Variants in CADM2 observed in about 807,000 individuals in gnomAD.
The protein encoded by CADM2 is immunoglobulin superfamily member 4D.
CADM2 carries 12 observed loss-of-function variants against 49.8 expected under a neutral mutation model. That is an observed-to-expected ratio of 0.24 (90% CI 0.15 to 0.39). The LOEUF (loss-of-function observed/expected upper bound fraction) is 0.39, where lower values mean the gene tolerates loss of function less well. Among genes scored for constraint, CADM2 ranks in the 10% least tolerant of loss-of-function variants. CADM2 has a pLI of 1.00. For synonymous variants in CADM2, 214 were observed against 175.4 expected, an observed-to-expected ratio of 1.22 and a Z score of -1.74; for missense variants, 378 against 492.3, an observed-to-expected ratio of 0.77 and a Z score of 2.20.
chr3:85,117,011 A>G (rs1373592078), intron 1 of CADM2, among the ~76,000 whole-genome samples: 1 of 152,108 alleles, frequency 6.6e-6, no homozygotes, highest in Non-Finnish European at 1.5e-5. Context: ...CCTGGCCAAC[A>G]TGATGAAACC....
intron 1 of CADM2, among the ~76,000 whole-genome samples, chr3:85,217,258 A>G (rs1319091772): frequency 6.6e-6 from 1 of 151,792 alleles, no homozygotes; most frequent in East Asian, 1.9e-4. Flanking sequence ...ATAAGCATTT[A>G]CTGATGTTTG....
chr3:85,772,677 GA>G, intron 2 of CADM2, among the ~76,000 whole-genome samples: 1 of 152,124 alleles, frequency 6.6e-6, no homozygotes, highest in African/African-American at 2.4e-5. Context: ...GATTAACCAA[GA>G]AGTTCAGTTT....
At chr3:85,030,067 C>G (rs1411957261) in intron 1 of CADM2, among the ~76,000 whole-genome samples, 1 of 152,242 alleles carries the variant, frequency 6.6e-6, no homozygotes, top group Middle Eastern at 3.4e-3. Flanking sequence ...ACTTCAGCAA[C>G]CCACTCCTCT....
intron 6 of CADM2, among the ~76,000 whole-genome samples, chr3:85,916,199 T>G (rs1205767165): frequency 6.6e-6 from 1 of 152,106 alleles, no homozygotes; most frequent in East Asian, 1.9e-4. Context: ...ACTTTAAGTT[T>G]TAGGGTACAT....
chr3:85,669,192 T>A (rs1361164055), intron 1 of CADM2, among the ~76,000 whole-genome samples: 1 of 148,126 alleles, frequency 6.8e-6, no homozygotes, highest in East Asian at 2.0e-4. Context: ...CCATAATTGG[T>A]AAGATAAAAA....
At chr3:85,454,826 T>G (rs1270541202) in intron 1 of CADM2, among the ~76,000 whole-genome samples, 1 of 140,342 alleles carries the variant, frequency 7.1e-6, no homozygotes, top group Non-Finnish European at 1.6e-5. Flanking sequence ...TATTAATCAG[T>G]AAGCAAACAT....
At chr3:85,188,556 C>T (rs1428339236) in intron 1 of CADM2, among the ~76,000 whole-genome samples, 1 of 151,872 alleles carries the variant, frequency 6.6e-6, no homozygotes, top group Non-Finnish European at 1.5e-5. Flanking sequence ...TTTCATATTT[C>T]ATAATATATA....
chr3:85,599,576 G>C (rs1479247642), intron 1 of CADM2, among the ~76,000 whole-genome samples: 1 of 151,756 alleles, frequency 6.6e-6, no homozygotes, highest in African/African-American at 2.4e-5. Flanking sequence ...AACAATAAAA[G>C]TGTACTGCCT....
chr3:85,588,935 A>C (rs1025018349), intron 1 of CADM2, among the ~76,000 whole-genome samples: 1 of 152,030 alleles, frequency 6.6e-6, no homozygotes, highest in Admixed American at 6.6e-5. Flanking sequence ...TGCATTAAAT[A>C]TTTCACTGGT....
At chr3:85,125,298 A>C (rs1186955968) in intron 1 of CADM2, among the ~76,000 whole-genome samples, 2 of 152,210 alleles carry the variant, frequency 1.3e-5, no homozygotes, top group Non-Finnish European at 2.9e-5. Flanking sequence ...TTTAGAAAAA[A>C]TTCATGTAAG....
At chr3:85,948,164 T>C (rs1722968269) in intron 7 of CADM2, among the ~76,000 whole-genome samples, 1 of 151,544 alleles carries the variant, frequency 6.6e-6, no homozygotes, top group Non-Finnish European at 1.5e-5. Context: ...ATTGCATATG[T>C]GTTTATATAG....
chr3:85,883,287 C>T lies in CADM2; in HGVS notation c.239-4C>T. 6.2e-7 allele frequency: 1 copy of T among 1,600,790 alleles called. No homozygotes were observed. Among genetic ancestry groups the T allele is most frequent in the South Asian group, 1.1e-5 (1 of 89,098 alleles). Reference sequence around the variant, plus strand: ...TTTACATTTTCAATATTTTCTCTTTCCAGCTTTAAGGGACAATAGGATCGA... The same window carrying T: ...TTTACATTTTCAATATTTTCTCTTTTCAGCTTTAAGGGACAATAGGATCGA... On this transcript the variant is annotated splice_polypyrimidine_tract_variant and splice_region_variant and intron_variant, in intron 3 of 9. Coordinates refer to ENST00000383699, the MANE Select transcript of CADM2 (RefSeq NM_001167675.2).
At chr3:85,500,845 C>T (rs1460653074) in intron 1 of CADM2, among the ~76,000 whole-genome samples, 1 of 151,968 alleles carries the variant, frequency 6.6e-6, no homozygotes, top group Non-Finnish European at 1.5e-5. Flanking sequence ...GTGAACACTT[C>T]CTATTGTTGA....
At chr3:85,106,796 C>T (rs2038244115) in intron 1 of CADM2, among the ~76,000 whole-genome samples, 1 of 151,980 alleles carries the variant, frequency 6.6e-6, no homozygotes, top group African/African-American at 2.4e-5. Context: ...CAAAAATGTT[C>T]AGAAGAGAGA....
At chr3:85,165,282 A>G (rs1305190428) in intron 1 of CADM2, among the ~76,000 whole-genome samples, 1 of 151,986 alleles carries the variant, frequency 6.6e-6, no homozygotes, top group Non-Finnish European at 1.5e-5. Flanking sequence ...TTACTTCCGC[A>G]AAGCTTAGAA....
chr3:86,007,568 C>T (rs920528415), intron 8 of CADM2, among the ~76,000 whole-genome samples: 2 of 152,140 alleles, frequency 1.3e-5, no homozygotes, highest in Non-Finnish European at 2.9e-5. Context: ...ACTAGGTTTA[C>T]CTCTTTTTGC....
intron 1 of CADM2, among the ~76,000 whole-genome samples, chr3:85,358,387 C>CAAA (rs376783196): frequency 6.7e-6 from 1 of 150,148 alleles, no homozygotes; most frequent in African/African-American, 2.4e-5. Context: ...CATCATTTTC[C>CAAA]AAAAAAAATA....
intron 1 of CADM2, among the ~76,000 whole-genome samples, chr3:85,113,619 A>G (rs2038535741): frequency 1.3e-5 from 2 of 151,880 alleles, no homozygotes; most frequent in South Asian, 2.1e-4. Context: ...AATATTTTAC[A>G]TTATATACTT....
At position 85,003,947 on chromosome 3, in the gene CADM2, G is replaced by A. The variant is rs536958981; in HGVS notation, c.61+44279G>A. 1.1e-4 allele frequency among the ~76,000 whole-genome samples: 17 copies of A among 152,132 alleles called. No homozygotes were observed. The East Asian group carries it at 3.3e-3, about 29-fold the overall frequency. ...TTTAAATTTGTAAACTGTAATTATA[G>A]CTTCAAAATTATAAAAATAGAAGTC... On this transcript the variant is annotated intron_variant, in intron 1 of 9. Coordinates refer to ENST00000383699, the MANE Select transcript of CADM2 (RefSeq NM_001167675.2).
Sources: gnomAD v4.1 joint callset for allele counts (sites outside exome capture counted in the v4.1 genomes callset) on GRCh38, gnomAD v4.1.1 for gene constraint, MANE v1.5 for transcripts, NCBI Gene and HGNC (gene_info 2026-07-23, HGNC 2026-07-21) for gene names.